Variants in RUFY4 observed in about 807,000 individuals in gnomAD.
The protein encoded by RUFY4 is RUN and FYVE domain containing 4.
RUFY4 carries 73 observed loss-of-function variants against 69.0 expected under a neutral mutation model. The observed-to-expected ratio is 1.06, with a 90% CI of 0.88 to 1.29. The LOEUF (loss-of-function observed/expected upper bound fraction) is 1.29, where lower values mean the gene tolerates loss of function less well. Among genes scored for constraint, RUFY4 ranks in the 50% most tolerant of loss-of-function variants. The pLI, the probability that RUFY4 is intolerant of heterozygous loss-of-function variation, is 0.00. For missense variants in RUFY4, 770 were observed against 705.6 expected, an observed-to-expected ratio of 1.09 and a Z score of -1.03; for synonymous variants, 287 against 271.8, an observed-to-expected ratio of 1.06 and a Z score of -0.55.
chr2:218,055,058 C>A (rs1287526011), intron 2 of RUFY4, among the ~76,000 whole-genome samples: 2 of 152,128 alleles, frequency 1.3e-5, no homozygotes, highest in African/African-American at 4.8e-5. Context: ...CAGAAGCCTG[C>A]CTTAATTTGG....
chr2:218,081,486 GTCTATCATT>G (rs1207898238), intron 8 of RUFY4, among the ~76,000 whole-genome samples: 4 of 152,112 alleles, frequency 2.6e-5, no homozygotes, highest in Non-Finnish European at 5.9e-5. Flanking sequence ...TATTTTATGA[GTCTATCATT>G]TATTTTACCC....
At chr2:218,050,391 A>G (rs561604577) in intron 2 of RUFY4, among the ~76,000 whole-genome samples, 13 of 152,156 alleles carry the variant, frequency 8.5e-5, no homozygotes, top group Non-Finnish European at 1.8e-4. Context: ...TTGATGAGCT[A>G]CAGATTACAG....
exon 6 of RUFY4, chr2:218,073,841 A>T: frequency 6.2e-7 from 1 of 1,613,926 alleles, no homozygotes; most frequent in Non-Finnish European, 8.5e-7. Flanking sequence ...TTCCACCCAA[A>T]CCCAGGGAAG....
At chr2:218,078,253 T>C (rs10932745) in intron 8 of RUFY4, among the ~76,000 whole-genome samples, 65,608 of 152,088 alleles carry the variant, frequency 0.43, 14,528 homozygotes, top group Middle Eastern at 0.61. Flanking sequence ...GTTGGTGTGG[T>C]ATTTTACATT....
intron 9 of RUFY4, among the ~76,000 whole-genome samples, chr2:218,088,509 A>G (rs1358723653): frequency 6.6e-6 from 1 of 152,144 alleles, no homozygotes; most frequent in Non-Finnish European, 1.5e-5. Context: ...TTAGTTTTGC[A>G]AGGGCATACA....
chr2:218,078,539 G>A (rs181859976), intron 8 of RUFY4, among the ~76,000 whole-genome samples: 13 of 152,286 alleles, frequency 8.5e-5, no homozygotes, highest in Admixed American at 2.0e-4. Flanking sequence ...CGAGGTCATC[G>A]GAAGTGCCTC....
rs368553492 is a variant in RUFY4 at position 218,038,506 on chromosome 2, A to T, written c.-1158+3112A>T. 4.6e-5 allele frequency among the ~76,000 whole-genome samples: 7 copies of T among 152,316 alleles called. No individual in the cohort carries two copies. The South Asian group carries it at 6.2e-4, about 14-fold the overall frequency. On this transcript the variant is annotated intron_variant and NMD_transcript_variant, in intron 2 of 13. Transcript: ENST00000457754. ...ATTTTAAATTAAATTAACAAAAGTG[A>T]ATTGATTTAAAGAATATTACACTTC...
At chr2:218,055,462 G>A (rs1029036367) in intron 2 of RUFY4, among the ~76,000 whole-genome samples, 2 of 152,086 alleles carry the variant, frequency 1.3e-5, no homozygotes, top group Non-Finnish European at 2.9e-5. Context: ...AAATAATCAG[G>A]CCAAACCTGA....
chr2:218,047,361 T>C (rs1688852751), intron 2 of RUFY4, among the ~76,000 whole-genome samples: 1 of 152,104 alleles, frequency 6.6e-6, no homozygotes, highest in Non-Finnish European at 1.5e-5. Flanking sequence ...ACAAATAAAG[T>C]TCTTCTTTCA....
intron 2 of RUFY4, among the ~76,000 whole-genome samples, chr2:218,057,568 G>A (rs1689090981): frequency 1.3e-5 from 2 of 152,106 alleles, no homozygotes; most frequent in African/African-American, 4.8e-5. Context: ...CCAACTATAA[G>A]ACCTGCCTGT....
intron 2 of RUFY4, among the ~76,000 whole-genome samples, chr2:218,042,703 T>A (rs114593680): frequency 0.56 from 84,759 of 151,362 alleles, 25,665 homozygotes; most frequent in East Asian, 0.78. Flanking sequence ...TTTCTGAAGT[T>A]AAATCATCCA....
chr2:218,075,023 C>A, intron 6 of RUFY4, 70 bp from the exon 9 acceptor site: 1 of 1,415,732 alleles, frequency 7.1e-7, no homozygotes, highest in Non-Finnish European at 9.4e-7. Context: ...AGCACTGTGG[C>A]CTAATCTAAT....
rs542007733 is a variant in RUFY4 at position 218,077,140 on chromosome 2, G to A, written c.1355+607G>A. On this transcript the variant is annotated intron_variant, in intron 8 of 10. Coordinates refer to ENST00000344321, the Ensembl canonical transcript of RUFY4. Reference sequence around the variant, plus strand: ...ATTCACCCACCATTGGCTAGTTAGCGGGGGAGCTGAGATTCAAGGCCTGCA... The same window carrying A: ...ATTCACCCACCATTGGCTAGTTAGCAGGGGAGCTGAGATTCAAGGCCTGCA... Among the ~76,000 whole-genome samples, 294 of 152,262 alleles carry A rather than the reference G, an allele frequency of 1.9e-3. 2 individuals are homozygous for A. Among genetic ancestry groups the A allele is most frequent in the African/African-American group, 6.3e-3 (263 of 41,542 alleles).
intron 3 of RUFY4, chr2:218,060,892 A>T: frequency 8.7e-7 from 1 of 1,144,312 alleles, no homozygotes; most frequent in Non-Finnish European, 1.3e-6. Context: ...ATGCGTAGGG[A>T]CAGTAACAGG....
rs930983708 is a variant in RUFY4 at position 218,077,468 on chromosome 2, T to C, written c.1355+935T>C. ...AGGCTCAAGCTTCAGCCTTCCAAAG[T>C]GCTAGGGTTGCAGGCATGAGCCACC... On this transcript the variant is annotated intron_variant, in intron 8 of 10. Transcript: ENST00000344321. Among the ~76,000 whole-genome samples, 7 of 152,308 alleles carry C rather than the reference T, an allele frequency of 4.6e-5. No homozygotes were observed. In the East Asian group the frequency reaches 9.6e-4, roughly 21 times the overall value.
At chr2:218,073,437 G>T in intron 5 of RUFY4, 51 bp downstream of exon 7, 1 of 1,558,860 alleles carries the variant, frequency 6.4e-7, no homozygotes, top group Non-Finnish European at 8.7e-7. Flanking sequence ...TGGTCCCATG[G>T]CCACCAAGGG....
intron 3 of RUFY4, among the ~76,000 whole-genome samples, chr2:218,062,242 ATT>A (rs201216175): frequency 4.0e-5 from 6 of 150,318 alleles, no homozygotes; most frequent in South Asian, 2.1e-4. Context: ...TACTAAAAAT[ATT>A]TTAAAAAAAA....
chr2:218,063,048 C>G (rs551740781), intron 3 of RUFY4, among the ~76,000 whole-genome samples: 2 of 152,252 alleles, frequency 1.3e-5, no homozygotes, highest in Non-Finnish European at 2.9e-5. Flanking sequence ...GCCCTTGCTA[C>G]AGGGACAGGA....
At chr2:218,089,404 G>A (rs372392310) in intron 10 of RUFY4, 42 bp downstream of exon 12, 11 of 1,564,630 alleles carry the variant, frequency 7.0e-6, no homozygotes, top group African/African-American at 6.8e-5. Flanking sequence ...GGACAGCCCA[G>A]TTTCCACCAG....
Sources: allele counts gnomAD v4.1 joint callset (sites outside exome capture counted in the v4.1 genomes callset), GRCh38; gene constraint gnomAD v4.1.1; transcripts MANE v1.5; gene names NCBI Gene and HGNC (gene_info 2026-07-23, HGNC 2026-07-21).